AK5: variants seen among roughly 807,000 people sequenced by gnomAD.
AK5 encodes the protein adenylate kinase 5.
A neutral mutation model predicts 69.5 loss-of-function variants in AK5; 27 were observed. The ratio of observed to expected loss-of-function variants is 0.39; its 90% CI spans 0.29 to 0.54. AK5 has a LOEUF of 0.54. Among genes scored for constraint, AK5 ranks in the 20% least tolerant of loss-of-function variants. The pLI is 0.71. For synonymous variants in AK5, 260 were observed against 244.4 expected (o/e 1.06, Z -0.60); for missense variants, 531 against 700.4 (o/e 0.76, Z 2.73).
intron 1 of AK5, 81 bp downstream of exon 1, chr1:77,282,454 C>A: frequency 6.8e-7 from 1 of 1,472,086 alleles, no homozygotes; most frequent in South Asian, 1.4e-5. Flanking sequence ...CGCGCCCCGT[C>A]CCACCTTCCC....
At chr1:77,493,214 G>A (rs1002899928) in intron 10 of AK5, among the ~76,000 whole-genome samples, 9 of 152,072 alleles carry the variant, frequency 5.9e-5, no homozygotes, top group African/African-American at 2.2e-4. Context: ...GTGTGGGTGG[G>A]CACCATCCAA....
rs1378812328 is a variant in AK5, at chr1:77,392,717, AT to A, written c.892-18260del. On this transcript the variant is annotated intron_variant, in intron 6 of 13. Transcript: ENST00000354567. ...TGACAAGACCGCTAAGTAGGTCATG[AT>A]TTTATGCCAAAAGGAAATGGCCTTT... 2.6e-5 allele frequency among the ~76,000 whole-genome samples: 4 copies of A among 152,012 alleles called. 1 individual carries two copies. The highest frequency in any genetic ancestry group is 2.6e-4 in the Admixed American group (4 of 15,268).
intron 6 of AK5, among the ~76,000 whole-genome samples, chr1:77,377,020 A>G (rs1042567824): frequency 1.3e-5 from 2 of 152,122 alleles, no homozygotes; most frequent in Non-Finnish European, 2.9e-5. Flanking sequence ...CAATTATATG[A>G]CTCTACTTGA....
chr1:77,301,378 CA>C (rs2100259309), intron 5 of AK5, among the ~76,000 whole-genome samples: 1 of 152,326 alleles, frequency 6.6e-6, no homozygotes, highest in South Asian at 2.1e-4. Flanking sequence ...GCTCACAAGG[CA>C]TTGCTGAGAA....
chr1:77,523,111 G>A (rs1225467375), intron 12 of AK5, among the ~76,000 whole-genome samples: 3 of 151,934 alleles, frequency 2.0e-5, no homozygotes, highest in Admixed American at 2.0e-4. Context: ...TGTCTCTGGG[G>A]GTTTACTTTG....
At chr1:77,284,598 A>G (rs973112003) in intron 1 of AK5, among the ~76,000 whole-genome samples, 2 of 152,108 alleles carry the variant, frequency 1.3e-5, no homozygotes, top group Non-Finnish European at 2.9e-5. Context: ...CCACTTTCTT[A>G]TTATTTTGTC....
At chr1:77,354,165 G>A (rs1446823408) in intron 6 of AK5, among the ~76,000 whole-genome samples, 2 of 152,186 alleles carry the variant, frequency 1.3e-5, no homozygotes, top group Non-Finnish European at 2.9e-5. Flanking sequence ...CAGGGAAGGA[G>A]TAGGGAATAA....
At chr1:77,453,903 C>T (rs996401588) in intron 8 of AK5, among the ~76,000 whole-genome samples, 1 of 152,172 alleles carries the variant, frequency 6.6e-6, no homozygotes, top group Non-Finnish European at 1.5e-5. Context: ...ATTCCATAGC[C>T]CTATTCTTAT....
chr1:77,426,568 G>C (rs925514735), intron 8 of AK5, among the ~76,000 whole-genome samples: 2 of 152,160 alleles, frequency 1.3e-5, no homozygotes, highest in African/African-American at 2.4e-5. Flanking sequence ...GAAATGGACA[G>C]ATCCAACCAG....
intron 5 of AK5, among the ~76,000 whole-genome samples, chr1:77,323,807 A>T (rs1660652846): frequency 6.6e-6 from 1 of 152,092 alleles, no homozygotes; most frequent in Non-Finnish European, 1.5e-5. Context: ...GATAGATATA[A>T]CACACACACA....
chr1:77,540,253 C>T (rs981167518), intron 13 of AK5, among the ~76,000 whole-genome samples: 3 of 152,264 alleles, frequency 2.0e-5, no homozygotes, highest in South Asian at 2.1e-4. Flanking sequence ...CTTCTTGTAA[C>T]GTGCACACCA....
rs1283163030 is a variant in AK5 at position 77,518,478 on chromosome 1, A to T, written c.1148-86A>T. 7 of 1,418,820 alleles carry T rather than the reference A, an allele frequency of 4.9e-6. No homozygotes were observed. The African/African-American group carries it at 9.9e-5, about 20-fold the overall frequency. The allele number at this position is 1,418,820 out of a possible 1,614,324, so 87.9% of individuals were successfully genotyped here. A position where few individuals can be genotyped will look rare whatever the true frequency, so the allele number is the denominator to read the frequency against. ...CCAATACATGCTTAGTGACTGGAACACTGAGGCTTGCTCACCATGGTGACT... is the reference window on the plus strand; with the variant it reads ...CCAATACATGCTTAGTGACTGGAACTCTGAGGCTTGCTCACCATGGTGACT... On this transcript the variant is annotated intron_variant, in intron 10 of 13. Coordinates refer to ENST00000354567, the MANE Select transcript of AK5 (RefSeq NM_174858.3).
At chr1:77,532,095 C>T (rs1658669502) in intron 12 of AK5, 1 of 153,652 alleles carries the variant, frequency 6.5e-6, no homozygotes, top group Non-Finnish European at 1.4e-5. Flanking sequence ...CGGTTCCCGC[C>T]TGCGCCTCTC....
At chr1:77,344,559 T>A (rs1661816083) in intron 6 of AK5, among the ~76,000 whole-genome samples, 1 of 152,184 alleles carries the variant, frequency 6.6e-6, no homozygotes, top group Non-Finnish European at 1.5e-5. Flanking sequence ...GCTGTGTCTC[T>A]TGACATTTTG....
chr1:77,345,481 A>C (rs759068811), intron 6 of AK5, among the ~76,000 whole-genome samples: 18 of 152,254 alleles, frequency 1.2e-4, no homozygotes, highest in Non-Finnish European at 2.1e-4. Context: ...TTTAGTACTT[A>C]CTAGACCAGA....
At chr1:77,437,890 C>T (rs1390302204) in intron 8 of AK5, among the ~76,000 whole-genome samples, 1 of 152,064 alleles carries the variant, frequency 6.6e-6, no homozygotes, top group Non-Finnish European at 1.5e-5. Context: ...AAGATTTCGA[C>T]CTGTTTGATC....
At chr1:77,286,019 A>G (rs1198370226) in intron 1 of AK5, among the ~76,000 whole-genome samples, 1 of 152,164 alleles carries the variant, frequency 6.6e-6, no homozygotes, top group Non-Finnish European at 1.5e-5. Flanking sequence ...ATAAATGACA[A>G]GTATGATGTT....
At chr1:77,387,649 G>A (rs1396499783) in intron 6 of AK5, among the ~76,000 whole-genome samples, 1 of 152,164 alleles carries the variant, frequency 6.6e-6, no homozygotes, top group Non-Finnish European at 1.5e-5. Context: ...CTCCCAGGCT[G>A]GAAACCACTG....
At chr1:77,371,647 A>C (rs1217357240) in intron 6 of AK5, among the ~76,000 whole-genome samples, 2 of 152,184 alleles carry the variant, frequency 1.3e-5, no homozygotes, top group Admixed American at 6.5e-5. Flanking sequence ...TTTACTGTCC[A>C]TCTGGGTCAG....
Sources: allele counts gnomAD v4.1 joint callset (sites outside exome capture counted in the v4.1 genomes callset), GRCh38; gene constraint gnomAD v4.1.1; transcripts MANE v1.5; gene names NCBI Gene and HGNC (gene_info 2026-07-23, HGNC 2026-07-21).